Variants in IPCEF1 observed in about 807,000 individuals in gnomAD.
IPCEF1 encodes interaction protein for cytohesin exchange factors 1, also known as interactor protein for cytohesin exchange factors 1.
In IPCEF1, 31 loss-of-function variants were observed where a neutral mutation model predicts 50.9. The ratio of observed to expected loss-of-function variants is 0.61; its 90% CI spans 0.46 to 0.82. IPCEF1 has a LOEUF of 0.82. IPCEF1 is among the 40% of genes least tolerant of loss of function. The pLI is 0.00. For synonymous variants in IPCEF1, 181 were observed against 192.0 expected (o/e 0.94, Z 0.47); for missense variants, 458 against 514.0 (o/e 0.89, Z 1.05).
chr6:154,305,153 T>C (rs747423048), intron 1 of IPCEF1, among the ~76,000 whole-genome samples: 2 of 132,792 alleles, frequency 1.5e-5, no homozygotes, highest in Non-Finnish European at 3.0e-5. Context: ...AAAGAAAATA[T>C]GTGAGAAGAC....
intron 3 of IPCEF1, among the ~76,000 whole-genome samples, chr6:154,249,227 C>G (rs747529489): frequency 7.9e-5 from 12 of 152,220 alleles, no homozygotes; most frequent in Admixed American, 1.3e-4. Context: ...ACTGACCTGT[C>G]TTGTGTTCTA....
chr6:154,266,149 G>T (rs1781747865), intron 2 of IPCEF1, among the ~76,000 whole-genome samples, 185 bp from the exon 3 acceptor site: 1 of 152,138 alleles, frequency 6.6e-6, no homozygotes, highest in Non-Finnish European at 1.5e-5. Flanking sequence ...AGCTTTGGGA[G>T]GCCAAGGCAG....
At chr6:154,263,665 A>G (rs1428134020) in intron 3 of IPCEF1, among the ~76,000 whole-genome samples, 39 of 87,660 alleles carry the variant, frequency 4.4e-4, no homozygotes, top group South Asian at 1.3e-3. Context: ...AGACACGGCA[A>G]CCATCCGATT....
At chr6:154,184,558 C>T (rs1801173228) in intron 10 of IPCEF1, among the ~76,000 whole-genome samples, 1 of 151,748 alleles carries the variant, frequency 6.6e-6, no homozygotes, top group Non-Finnish European at 1.5e-5. Flanking sequence ...TATATATGCG[C>T]ATTGGTACAT....
At chr6:154,312,128 A>G (rs1180281778) in intron 1 of IPCEF1, among the ~76,000 whole-genome samples, 4 of 152,226 alleles carry the variant, frequency 2.6e-5, no homozygotes, top group African/African-American at 4.8e-5. Context: ...ACACTTAAAA[A>G]CACTTTTAAA....
chr6:154,198,650 A>G (rs1019049314), intron 10 of IPCEF1, among the ~76,000 whole-genome samples: 1 of 151,980 alleles, frequency 6.6e-6, no homozygotes, highest in African/African-American at 2.4e-5. Flanking sequence ...ACACACACAC[A>G]CACACACACA....
intron 1 of IPCEF1, among the ~76,000 whole-genome samples, chr6:154,320,736 G>A (rs1783351307): frequency 6.6e-6 from 1 of 152,132 alleles, no homozygotes; most frequent in East Asian, 1.9e-4. Flanking sequence ...GCCGGGCACT[G>A]TGGTACGAGC....
intron 1 of IPCEF1, among the ~76,000 whole-genome samples, chr6:154,319,616 T>C (rs1036574868): frequency 2.0e-5 from 3 of 152,204 alleles, no homozygotes; most frequent in African/African-American, 7.2e-5. Flanking sequence ...AACCAAAGCA[T>C]GTGTCATGTC....
intron 3 of IPCEF1, among the ~76,000 whole-genome samples, chr6:154,252,021 T>C (rs1781348701): frequency 6.6e-6 from 1 of 152,158 alleles, no homozygotes; most frequent in Non-Finnish European, 1.5e-5. Context: ...CTGATAAACA[T>C]GTGAGACATC....
At chr6:154,313,193 A>G (rs112689962) in intron 1 of IPCEF1, among the ~76,000 whole-genome samples, 12,181 of 151,778 alleles carry the variant, frequency 0.08, 1,014 homozygotes, top group African/African-American at 0.21. Flanking sequence ...CCAACATGGT[A>G]AAACCCCATC....
At chr6:154,160,787 T>C (rs1280284348) in intron 11 of IPCEF1, among the ~76,000 whole-genome samples, 1 of 152,220 alleles carries the variant, frequency 6.6e-6, no homozygotes, top group East Asian at 1.9e-4. Context: ...CTCAAATCTA[T>C]GCCTGTTTTC....
chr6:154,348,238 A>G (rs146654863), intron 1 of IPCEF1, among the ~76,000 whole-genome samples: 1 of 152,220 alleles, frequency 6.6e-6, no homozygotes, highest in Non-Finnish European at 1.5e-5. Context: ...TCCCTCCCTC[A>G]AGTCCCCATT....
At chr6:154,351,597 C>G (rs1265292411) in intron 1 of IPCEF1, among the ~76,000 whole-genome samples, 1 of 152,172 alleles carries the variant, frequency 6.6e-6, no homozygotes, top group African/African-American at 2.4e-5. Context: ...ATTTATATAA[C>G]AAAACCTTTA....
At chr6:154,283,291 C>CAAAAA (rs35691566) in intron 2 of IPCEF1, among the ~76,000 whole-genome samples, 4 of 66,372 alleles carry the variant, frequency 6.0e-5, no homozygotes, top group Admixed American at 2.2e-4. Context: ...AACTCCATCT[C>CAAAAA]AAAAAAAAAA....
chr6:154,328,790 T>C (rs1276617439), intron 1 of IPCEF1, among the ~76,000 whole-genome samples: 1 of 152,206 alleles, frequency 6.6e-6, no homozygotes, highest in Non-Finnish European at 1.5e-5. Flanking sequence ...ATGGTTCCTA[T>C]TCTACTTTAT....
At chr6:154,352,121 C>T (rs1784129582) in intron 1 of IPCEF1, among the ~76,000 whole-genome samples, 1 of 151,026 alleles carries the variant, frequency 6.6e-6, no homozygotes, top group East Asian at 1.9e-4. Context: ...CCTGCACATG[C>T]ACACTGGAAC....
At chr6:154,316,323 A>G (rs180990461) in intron 1 of IPCEF1, among the ~76,000 whole-genome samples, 14 of 152,324 alleles carry the variant, frequency 9.2e-5, no homozygotes, top group African/African-American at 2.4e-4. Flanking sequence ...TGGGAAACCA[A>G]AAAAATTAAG....
intron 11 of IPCEF1, among the ~76,000 whole-genome samples, chr6:154,164,342 C>A (rs1280889091): frequency 6.6e-6 from 1 of 151,976 alleles, no homozygotes; most frequent in Non-Finnish European, 1.5e-5. Context: ...AATTTTTTAC[C>A]ATTTGGCTCA....
intron 9 of IPCEF1, among the ~76,000 whole-genome samples, chr6:154,204,929 T>G (rs1286475211): frequency 6.6e-6 from 1 of 152,180 alleles, no homozygotes; most frequent in Non-Finnish European, 1.5e-5. Context: ...TCCACTCCTT[T>G]CTAGCCACAC....
Sources: gnomAD v4.1 joint callset for allele counts (sites outside exome capture counted in the v4.1 genomes callset) on GRCh38, gnomAD v4.1.1 for gene constraint, MANE v1.5 for transcripts, NCBI Gene and HGNC (gene_info 2026-07-23, HGNC 2026-07-21) for gene names.